Variants in C3orf70 observed in about 807,000 individuals in gnomAD.
C3orf70 encodes UPF0524 protein C3orf70.
Under a neutral mutation model 20.7 loss-of-function variants are expected in C3orf70, and 15 were observed. The ratio of observed to expected loss-of-function variants is 0.72; its 90% CI spans 0.48 to 1.11. The LOEUF is 1.11. Ranked by LOEUF, C3orf70 falls within the 50% of genes most tolerant of loss-of-function variation. The pLI is 0.00. For synonymous variants in C3orf70, 161 were observed against 125.7 expected (o/e 1.28, Z -1.88); for missense variants, 332 against 317.6 (o/e 1.05, Z -0.34).
chr3:185,135,192 G>A (rs1359027969), intron 1 of C3orf70, among the ~76,000 whole-genome samples: 1 of 152,032 alleles, frequency 6.6e-6, no homozygotes, highest in Non-Finnish European at 1.5e-5. Context: ...ATACAGAGAT[G>A]TTAGACTGAT....
intron 1 of C3orf70, among the ~76,000 whole-genome samples, chr3:185,114,365 T>C (rs1029781249): frequency 5.9e-5 from 9 of 152,160 alleles, no homozygotes; most frequent in African/African-American, 1.2e-4. Flanking sequence ...CACTTGGAAA[T>C]ATCCAAGAAT....
chr3:185,142,682 T>A (rs1455245446), intron 1 of C3orf70, among the ~76,000 whole-genome samples: 2 of 152,018 alleles, frequency 1.3e-5, no homozygotes, highest in Admixed American at 1.3e-4. Context: ...AGATCACTCA[T>A]TAAAAACCAA....
intron 1 of C3orf70, among the ~76,000 whole-genome samples, chr3:185,100,438 G>C (rs1715799573): frequency 6.6e-6 from 1 of 152,156 alleles, no homozygotes; most frequent in South Asian, 2.1e-4. Flanking sequence ...ACCTGCTCCT[G>C]AGTGAATTTT....
At chr3:185,083,702 C>T in intron 1 of C3orf70, 139 bp from the exon 2 acceptor site, 1 of 680,070 alleles carries the variant, frequency 1.5e-6, no homozygotes, top group East Asian at 2.8e-5. Flanking sequence ...AATCATTCAA[C>T]ATTGGTATAG....
At chr3:185,142,622 A>T (rs1053454914) in intron 1 of C3orf70, among the ~76,000 whole-genome samples, 1 of 152,202 alleles carries the variant, frequency 6.6e-6, no homozygotes, top group African/African-American at 2.4e-5. Context: ...CACTGGGTTA[A>T]AGTTTGTTAG....
intron 1 of C3orf70, among the ~76,000 whole-genome samples, chr3:185,146,018 T>A (rs540871844): frequency 1.3e-5 from 2 of 151,822 alleles, no homozygotes; most frequent in African/African-American, 4.8e-5. Context: ...ACCTATCAGC[T>A]TTCTCTATCT....
intron 1 of C3orf70, among the ~76,000 whole-genome samples, chr3:185,136,009 AAG>A (rs1335664063): frequency 6.6e-6 from 1 of 152,228 alleles, no homozygotes; most frequent in Non-Finnish European, 1.5e-5. Flanking sequence ...CATTAATTAA[AAG>A]AGATTGACAG....
At chr3:185,136,909 AAACAACAACAACAACAAC>A (rs146226983) in intron 1 of C3orf70, among the ~76,000 whole-genome samples, 57 of 149,862 alleles carry the variant, frequency 3.8e-4, no homozygotes, top group South Asian at 8.5e-4. Context: ...GACTGTCTCA[AAACAACAACAACAACAAC>A]AACAACAACA....
intron 1 of C3orf70, among the ~76,000 whole-genome samples, chr3:185,121,279 G>A (rs912683083): frequency 6.6e-6 from 1 of 151,384 alleles, no homozygotes; most frequent in Non-Finnish European, 1.5e-5. Flanking sequence ...TGGATTCAGT[G>A]TATACTGCTC....
intron 1 of C3orf70, among the ~76,000 whole-genome samples, 162 bp from the exon 2 acceptor site, chr3:185,083,725 T>C (rs1006768642): frequency 6.6e-6 from 1 of 152,192 alleles, no homozygotes; most frequent in Non-Finnish European, 1.5e-5. Flanking sequence ...AATGAAAAAG[T>C]CAGCATGGTA....
intron 1 of C3orf70, among the ~76,000 whole-genome samples, chr3:185,143,471 A>G (rs903149678): frequency 2.0e-5 from 3 of 152,232 alleles, no homozygotes; most frequent in Admixed American, 2.0e-4. Context: ...GAGAGGTTAA[A>G]GAATTTGTCC....
intron 1 of C3orf70, among the ~76,000 whole-genome samples, chr3:185,134,881 A>C (rs1252488785): frequency 1.3e-5 from 2 of 151,512 alleles, no homozygotes; most frequent in Non-Finnish European, 2.9e-5. Flanking sequence ...GAGAGCAAAA[A>C]CTCCCACTCC....
chr3:185,151,741 C>T, intron 1 of C3orf70, among the ~76,000 whole-genome samples: 1 of 152,018 alleles, frequency 6.6e-6, no homozygotes, highest in East Asian at 1.9e-4. Context: ...ACTCCAAAAC[C>T]CTCTATTACA....
At chr3:185,099,054 T>A (rs1250175396) in intron 1 of C3orf70, among the ~76,000 whole-genome samples, 1 of 152,232 alleles carries the variant, frequency 6.6e-6, no homozygotes, top group African/African-American at 2.4e-5. Context: ...GGAACTCATT[T>A]TACCTGCAGT....
At chr3:185,112,129 T>A (rs58298861) in intron 1 of C3orf70, among the ~76,000 whole-genome samples, 7,900 of 151,744 alleles carry the variant, frequency 0.052, 667 homozygotes, top group African/African-American at 0.18. Flanking sequence ...TGTCTCTACT[T>A]AAAATACAAA....
chr3:185,089,738 A>G (rs1438183512), intron 1 of C3orf70, among the ~76,000 whole-genome samples: 1 of 152,242 alleles, frequency 6.6e-6, no homozygotes, highest in African/African-American at 2.4e-5. Flanking sequence ...GGAAGTGATC[A>G]TACAACATGA....
Position 185,114,758 on chromosome 3 carries a change from T to G in C3orf70, c.197-31195A>C, listed in dbSNP as rs535175411. ...CTTTAATTTTAAAAAAGAAGGAAAA[T>G]GAGGCCGAATGACTTAATAAGCTAA... On this transcript the variant is annotated intron_variant, in intron 1 of 1. Transcript: ENST00000335012. Among the ~76,000 whole-genome samples, 55 of 152,248 alleles carry G rather than the reference T, an allele frequency of 3.6e-4. 2 individuals are homozygous for G. The South Asian group carries it at 0.011, about 32-fold the overall frequency.
At chr3:185,145,453 T>G (rs1383211063) in intron 1 of C3orf70, among the ~76,000 whole-genome samples, 1 of 113,598 alleles carries the variant, frequency 8.8e-6, no homozygotes, top group Non-Finnish European at 1.8e-5. Flanking sequence ...TATTTTAATT[T>G]TATTTCATTC....
chr3:185,092,474 C>A (rs76052370), intron 1 of C3orf70, among the ~76,000 whole-genome samples: 3,173 of 152,224 alleles, frequency 0.021, 115 homozygotes, highest in African/African-American at 0.072. Context: ...TTTGCTTTCA[C>A]TCTGTTTTTC....
Sources: gnomAD v4.1 joint callset for allele counts (sites outside exome capture counted in the v4.1 genomes callset) on GRCh38, gnomAD v4.1.1 for gene constraint, MANE v1.5 for transcripts, NCBI Gene and HGNC (gene_info 2026-07-23, HGNC 2026-07-21) for gene names.